TPO: variants seen among roughly 807,000 people sequenced by gnomAD.
TPO encodes thyroid peroxidase.
Under a neutral mutation model 96.9 loss-of-function variants are expected in TPO, and 78 were observed. That is an observed-to-expected ratio of 0.81 (90% confidence interval 0.67 to 0.97). The LOEUF (loss-of-function observed/expected upper bound fraction) is 0.97. Ranked by LOEUF, TPO falls within the 50% of genes least tolerant of loss-of-function variation. The pLI, the probability that TPO is intolerant of heterozygous loss-of-function variation, is 0.00. For synonymous variants in TPO, 547 were observed against 538.0 expected, an observed-to-expected ratio of 1.02 and a Z score of -0.23; for missense variants, 1,252 against 1,274.8, an observed-to-expected ratio of 0.98 and a Z score of 0.27.
chr2:1,388,076 G>T (rs565165319), intron 1 of TPO, among the ~76,000 whole-genome samples: 1 of 152,170 alleles, frequency 6.6e-6, no homozygotes, highest in Non-Finnish European at 1.5e-5. Flanking sequence ...TGGAGGTTTC[G>T]TCTCAGAGGG....
chr2:1,469,678 C>G (rs1669207262), intron 7 of TPO, among the ~76,000 whole-genome samples: 1 of 152,182 alleles, frequency 6.6e-6, no homozygotes, highest in South Asian at 2.1e-4. Context: ...CCACTCGGCT[C>G]TCTAAATGGA....
intron 14 of TPO, among the ~76,000 whole-genome samples, chr2:1,505,071 C>T (rs1248644307): frequency 1.3e-5 from 2 of 152,158 alleles, no homozygotes; most frequent in South Asian, 2.1e-4. Flanking sequence ...AGCTCCTCAG[C>T]GAAGGGCACA....
At chr2:1,466,971 C>T (rs968705391) in intron 7 of TPO, among the ~76,000 whole-genome samples, 1 of 151,926 alleles carries the variant, frequency 6.6e-6, no homozygotes, top group South Asian at 2.1e-4. Context: ...TAAGGTGTAA[C>T]CTTAGATTGT....
chr2:1,411,939 T>C (rs577903514), upstream of TPO, among the ~76,000 whole-genome samples: 1 of 152,348 alleles, frequency 6.6e-6, no homozygotes, highest in African/African-American at 2.4e-5. Flanking sequence ...GCTGGGGGAC[T>C]GTGTCCCCTA....
chr2:1,537,839 TCC>T (rs1355409853), intron 15 of TPO, among the ~76,000 whole-genome samples: 4 of 46,432 alleles, frequency 8.6e-5, no homozygotes, highest in Admixed American at 3.2e-4. Context: ...CCTCCTCAAA[TCC>T]CCCCACTGTG....
intron 7 of TPO, among the ~76,000 whole-genome samples, chr2:1,466,071 A>G: frequency 6.6e-6 from 1 of 152,172 alleles, no homozygotes; most frequent in East Asian, 1.9e-4. Context: ...TTTCCCTTGT[A>G]TGCCAATTTT....
At chr2:1,527,880 TC>T (rs1241463356) in intron 15 of TPO, among the ~76,000 whole-genome samples, 1 of 18,290 alleles carries the variant, frequency 5.5e-5, no homozygotes, top group South Asian at 1.8e-3. Context: ...CCTCCTCAAA[TC>T]CCCCCACTGC....
intron 1 of TPO, among the ~76,000 whole-genome samples, chr2:1,384,726 T>C (rs1232682038): frequency 2.0e-5 from 3 of 152,222 alleles, no homozygotes; most frequent in Non-Finnish European, 4.4e-5. Context: ...CTGATTTCCC[T>C]GGCCAGAACT....
Position 1,374,537 on chromosome 2 carries a change from G to A in TPO, n.180+135G>A, listed in dbSNP as rs180955649. 8.5e-5 allele frequency: 13 copies of A among 152,260 alleles called. No homozygotes were observed. In the East Asian group the frequency reaches 9.7e-4, roughly 11 times the overall value. The allele number at this position is 152,260 out of a possible 1,614,324, so 9.4% of individuals were successfully genotyped here. A position where few individuals can be genotyped will look rare whatever the true frequency, so the allele number is the denominator to read the frequency against. ...ACAAACTTAATAAGTCATAGAAACCGTGGTCACTGTGTTTAATTTCTTCTT... is the reference window on the plus strand; with the variant it reads ...ACAAACTTAATAAGTCATAGAAACCATGGTCACTGTGTTTAATTTCTTCTT... On this transcript the variant is annotated intron_variant and non_coding_transcript_variant, in intron 1 of 5. Transcript: ENST00000497517.
chr2:1,440,679 T>C (rs1175890327), intron 5 of TPO, among the ~76,000 whole-genome samples: 1 of 152,124 alleles, frequency 6.6e-6, no homozygotes, highest in African/African-American at 2.4e-5. Flanking sequence ...TTATATGGTG[T>C]AGTCAGTGCC....
At chr2:1,380,985 C>A (rs1460836036) in intron 1 of TPO, among the ~76,000 whole-genome samples, 1 of 152,074 alleles carries the variant, frequency 6.6e-6, no homozygotes, top group Non-Finnish European at 1.5e-5. Flanking sequence ...TATATATATG[C>A]ACTTTAATTT....
chr2:1,477,112 G>T lies in TPO; in HGVS notation c.846G>T (p.Ala282=). ...IQLPEEARPA[A]GTACLPFYRS... ...TCCCGGAGGAGGCCCGGCCGGCCGCGGGCACCGCCTGTCTGCCCTTCTACC... is the reference window on the plus strand; with the variant it reads ...TCCCGGAGGAGGCCCGGCCGGCCGCTGGCACCGCCTGTCTGCCCTTCTACC... The change falls in exon 8 of 17, where the codon GCG becomes GCT. Residue 282 remains alanine, a synonymous_variant. Coordinates refer to ENST00000329066, the MANE Select transcript of TPO (RefSeq NM_001206744.2). 1 of 1,606,968 alleles carries T rather than the reference G, an allele frequency of 6.2e-7. No homozygotes were observed.
chr2:1,487,478 T>C (rs1309971873), intron 9 of TPO, among the ~76,000 whole-genome samples: 5 of 152,234 alleles, frequency 3.3e-5, no homozygotes, highest in African/African-American at 1.2e-4. Context: ...CTCACGCCTG[T>C]AATCCCAGCA....
intron 1 of TPO, among the ~76,000 whole-genome samples, chr2:1,379,889 T>G (rs1461763572): frequency 1.3e-5 from 2 of 152,196 alleles, no homozygotes; most frequent in Non-Finnish European, 2.9e-5. Context: ...GCATGTGTCC[T>G]GTAGACATCA....
chr2:1,483,180 T>G (rs557598470), intron 8 of TPO, among the ~76,000 whole-genome samples: 5 of 152,182 alleles, frequency 3.3e-5, no homozygotes, highest in African/African-American at 9.7e-5. Context: ...GTACAGTGTC[T>G]GTGAGGCTCT....
chr2:1,444,687 C>T (rs1348368323), intron 5 of TPO, among the ~76,000 whole-genome samples: 1 of 23,978 alleles, frequency 4.2e-5, no homozygotes, highest in African/African-American at 1.2e-4. Flanking sequence ...CAGGAGGCAC[C>T]ATGTTGGAAG....
chr2:1,459,968 G>C (rs1453642368), intron 7 of TPO, among the ~76,000 whole-genome samples: 1 of 150,106 alleles, frequency 6.7e-6, no homozygotes, highest in African/African-American at 2.4e-5. Context: ...TTTTGAGCTG[G>C]AGTCTTGCCC....
At chr2:1,454,749 G>A (rs28909414) in intron 6 of TPO, among the ~76,000 whole-genome samples, 57,950 of 151,982 alleles carry the variant, frequency 0.38, 11,210 homozygotes, top group South Asian at 0.48. Flanking sequence ...TTCAACCCCC[G>A]AGGCTTTTTA....
chr2:1,541,054 CTTTTAAATTCTGAT>C, intron 16 of TPO: 1 of 1,267,674 alleles, frequency 7.9e-7, no homozygotes, highest in South Asian at 1.5e-5. Context: ...AAAACCCTGA[CTTTTAAATTCTGAT>C]TTTTAAGTGG....
Sources: gnomAD v4.1 joint callset for allele counts (sites outside exome capture counted in the v4.1 genomes callset) on GRCh38, gnomAD v4.1.1 for gene constraint, MANE v1.5 for transcripts, NCBI Gene and HGNC (gene_info 2026-07-23, HGNC 2026-07-21) for gene names.